KIAA1549L: variants seen among roughly 807,000 people sequenced by gnomAD.
The protein encoded by KIAA1549L is KIAA1549 like.
Under a neutral mutation model 160.7 loss-of-function variants are expected in KIAA1549L, and 88 were observed. That is an observed-to-expected ratio of 0.55 (90% confidence interval 0.46 to 0.65). KIAA1549L has a LOEUF of 0.65. Ranked by LOEUF, KIAA1549L falls within the 30% of genes least tolerant of loss-of-function variation. KIAA1549L has a pLI of 0.00. For missense variants in KIAA1549L, 2,258 were observed against 2,437.5 expected (o/e 0.93, Z 1.55); for synonymous variants, 950 against 976.7 (o/e 0.97, Z 0.51).
intron 1 of KIAA1549L, among the ~76,000 whole-genome samples, chr11:33,526,339 A>G (rs983186807): frequency 1.7e-4 from 26 of 152,220 alleles, no homozygotes; most frequent in African/African-American, 5.8e-4. Context: ...CCATGTGACA[A>G]CTTCACTGCT....
intron 1 of KIAA1549L, among the ~76,000 whole-genome samples, chr11:33,425,003 T>A (rs1204913608): frequency 6.6e-6 from 1 of 152,190 alleles, no homozygotes; most frequent in African/African-American, 2.4e-5. Context: ...GAATAGAAAG[T>A]TGGCAGGGAG....
chr11:33,599,021 G>C, intron 13 of KIAA1549L, 74 bp downstream of exon 13: 1 of 1,549,234 alleles, frequency 6.5e-7, no homozygotes. Flanking sequence ...GTGCACACGT[G>C]TGCACAAACT....
intron 1 of KIAA1549L, among the ~76,000 whole-genome samples, chr11:33,540,056 A>G (rs1853980614): frequency 6.6e-6 from 1 of 152,206 alleles, no homozygotes; most frequent in African/African-American, 2.4e-5. Context: ...TCACTTCAGC[A>G]TGGAGTTTTC....
chr11:33,512,821 C>T (rs1853258099), intron 1 of KIAA1549L, among the ~76,000 whole-genome samples: 1 of 152,176 alleles, frequency 6.6e-6, no homozygotes, highest in South Asian at 2.1e-4. Context: ...AACACTGAGG[C>T]ACGGAGAAAA....
intron 16 of KIAA1549L, among the ~76,000 whole-genome samples, chr11:33,630,665 C>T (rs1010897679): frequency 6.6e-6 from 1 of 152,234 alleles, no homozygotes; most frequent in Non-Finnish European, 1.5e-5. Context: ...CACCCAGTGA[C>T]CTGCGCCCAC....
At chr11:33,591,848 C>T (rs1226862272) in intron 12 of KIAA1549L, among the ~76,000 whole-genome samples, 1 of 152,132 alleles carries the variant, frequency 6.6e-6, no homozygotes, top group Non-Finnish European at 1.5e-5. Flanking sequence ...CCCTTTAGGA[C>T]TACAAAAATG....
At chr11:33,475,615 G>A (rs1376027158) in intron 1 of KIAA1549L, among the ~76,000 whole-genome samples, 2 of 151,360 alleles carry the variant, frequency 1.3e-5, no homozygotes, top group South Asian at 4.2e-4. Context: ...CACCTTAGGA[G>A]GCAGAGGCAG....
intron 1 of KIAA1549L, among the ~76,000 whole-genome samples, chr11:33,436,620 T>C (rs1367255566): frequency 6.6e-6 from 1 of 152,238 alleles, no homozygotes; most frequent in Non-Finnish European, 1.5e-5. Context: ...AATTAACTAT[T>C]GCAGGTAGGT....
chr11:33,452,422 A>G (rs539392007), intron 1 of KIAA1549L, among the ~76,000 whole-genome samples: 1 of 152,284 alleles, frequency 6.6e-6, no homozygotes, highest in Admixed American at 6.5e-5. Context: ...CCTGGCTAAC[A>G]TGGTGAAACC....
intron 12 of KIAA1549L, among the ~76,000 whole-genome samples, chr11:33,592,841 G>C (rs1473633380): frequency 1.3e-5 from 2 of 152,196 alleles, no homozygotes; most frequent in Admixed American, 1.3e-4. Flanking sequence ...AGAAAGACCT[G>C]ATTGAGGTAT....
chr11:33,412,924 G>T (rs1227962789), intron 1 of KIAA1549L, among the ~76,000 whole-genome samples: 1 of 152,148 alleles, frequency 6.6e-6, no homozygotes, highest in African/African-American at 2.4e-5. Flanking sequence ...CAGTGACAGG[G>T]TTTGGACCCA....
intron 1 of KIAA1549L, among the ~76,000 whole-genome samples, chr11:33,528,557 C>G (rs1853666123): frequency 6.6e-6 from 1 of 152,158 alleles, no homozygotes; most frequent in South Asian, 2.1e-4. Flanking sequence ...TTCACAACTA[C>G]AAAGTATGGA....
At chr11:33,619,190 C>T (rs955877693) in intron 16 of KIAA1549L, among the ~76,000 whole-genome samples, 2 of 152,134 alleles carry the variant, frequency 1.3e-5, no homozygotes, top group Non-Finnish European at 2.9e-5. Context: ...TTAATCCCGT[C>T]AGATTTCCCC....
chr11:33,391,830 C>T (rs1416535720), intron 1 of KIAA1549L, among the ~76,000 whole-genome samples: 1 of 152,196 alleles, frequency 6.6e-6, no homozygotes, highest in African/African-American at 2.4e-5. Flanking sequence ...ATAAAAATAG[C>T]ACAATTAATT....
At position 33,542,400 on chromosome 11, in the gene KIAA1549L, C is replaced by T. The variant is rs930869031; in HGVS notation, c.837C>T (p.Ala279=). 1.3e-4 allele frequency: 189 copies of T among 1,439,222 alleles called. No homozygotes were observed. The highest frequency in any genetic ancestry group is 6.9e-4 in the African/African-American group (49 of 70,682). 89.2% of individuals were successfully genotyped at this position (1,439,222 alleles called of 1,614,324 possible). A position where few individuals can be genotyped will look rare whatever the true frequency, so the allele number is the denominator to read the frequency against. Residue 279 remains alanine (A), a synonymous_variant, in exon 2 of 21, where the codon GCC becomes GCT. Transcript: ENST00000658780. ...KVLLVPQTAP[A]DPSLGQNIAN... ...TGTTAGTTCCCCAAACAGCTCCAGCCGACCCCTCTTTAGGTCAGAACATAG... is the reference window on the plus strand; with the variant it reads ...TGTTAGTTCCCCAAACAGCTCCAGCTGACCCCTCTTTAGGTCAGAACATAG...
intron 1 of KIAA1549L, among the ~76,000 whole-genome samples, chr11:33,412,918 G>A (rs1850812159): frequency 6.6e-6 from 1 of 152,188 alleles, no homozygotes; most frequent in Non-Finnish European, 1.5e-5. Context: ...AAGTGGCAGT[G>A]ACAGGGTTTG....
At chr11:33,521,152 CAG>C (rs1045887714) in intron 1 of KIAA1549L, among the ~76,000 whole-genome samples, 2 of 152,166 alleles carry the variant, frequency 1.3e-5, no homozygotes, top group Non-Finnish European at 2.9e-5. Flanking sequence ...GCCCAGGAAA[CAG>C]AGCAAGACCC....
intron 1 of KIAA1549L, among the ~76,000 whole-genome samples, chr11:33,496,164 A>G (rs902406002): frequency 2.6e-5 from 4 of 152,058 alleles, no homozygotes; most frequent in African/African-American, 7.2e-5. Context: ...GGGTTTTGCC[A>G]TGTTGGGCAG....
At chr11:33,419,670 A>G (rs554110766) in intron 1 of KIAA1549L, among the ~76,000 whole-genome samples, 28 of 152,042 alleles carry the variant, frequency 1.8e-4, no homozygotes, top group African/African-American at 6.3e-4. Context: ...ACATAGTGAA[A>G]CCCCATCTCC....
Sources: allele counts gnomAD v4.1 joint callset (sites outside exome capture counted in the v4.1 genomes callset), GRCh38; gene constraint gnomAD v4.1.1; transcripts MANE v1.5; gene names NCBI Gene and HGNC (gene_info 2026-07-23, HGNC 2026-07-21).